MUC15: variants seen among roughly 807,000 people sequenced by gnomAD.
MUC15 encodes mucin 15, cell surface associated, also known as mucin-15.
Under a neutral mutation model 24.0 loss-of-function variants are expected in MUC15, and 23 were observed. The observed-to-expected ratio is 0.96, with a 90% CI of 0.69 to 1.36. MUC15 has a LOEUF of 1.36. MUC15 is among the 40% of genes most tolerant of loss of function. The pLI, the probability that MUC15 is intolerant of heterozygous loss-of-function variation, is 0.00. For missense variants in MUC15, 442 were observed against 428.2 expected (o/e 1.03, Z -0.29); for synonymous variants, 151 against 156.3 (o/e 0.97, Z 0.25).
chr11:26,571,998 A>G (rs1260057023), intron 1 of MUC15, 43 bp downstream of exon 1: 2 of 764,774 alleles, frequency 2.6e-6, no homozygotes, highest in East Asian at 2.6e-4. Flanking sequence ...TAGAGAGTGA[A>G]AGAGAGAAAG....
At position 26,565,584 on chromosome 11, in the gene MUC15, G is replaced by A; in HGVS notation, c.356C>T (p.Ser119Leu). The change falls in exon 3 of 5, where the codon TCA becomes TTA. Residue 119 changes from serine (S) to leucine (L), a missense_variant. By Grantham distance (145) the Ser-to-Leu change is moderately radical. Coordinates refer to ENST00000529533, the MANE Select transcript of MUC15 (RefSeq NM_001135091.2). ...TAGACTGCCCAAAGAATGCTCTGCT[G>A]ATGAGTTACTGGAGAAATCTGTTAT... ...HGITDFSSNS[S>L]AEHSLGSLKP... is the part of the protein sequence containing the mutation. 6.2e-7 allele frequency: 1 copy of A among 1,613,344 alleles called. No individual in the cohort carries two copies. Among genetic ancestry groups the A allele is most frequent in the Non-Finnish European group, 8.5e-7 (1 of 1,179,566 alleles).
chr11:26,560,498 G>C lies in MUC15; in HGVS notation c.*567C>G, dbSNP rs76731486. 6.6e-6 allele frequency: 1 copy of C among 152,330 alleles called. No homozygotes were observed. The highest frequency in any genetic ancestry group is 2.4e-5 in the African/African-American group (1 of 41,410). 9.4% of individuals were successfully genotyped at this position (152,330 alleles called of 1,614,324 possible). A position where few individuals can be genotyped will look rare whatever the true frequency, so the allele number is the denominator to read the frequency against. ...TCATAACTCAGTGGGCTGATCATGT[G>C]TGTGCTGATCTAGAAAATTATAACG... On this transcript the variant is annotated 3_prime_UTR_variant, in exon 5 of 5. Transcript: ENST00000529533.
intron 1 of MUC15, among the ~76,000 whole-genome samples, chr11:26,570,010 C>T (rs925314497): frequency 6.6e-6 from 1 of 152,024 alleles, no homozygotes; most frequent in African/African-American, 2.4e-5. Flanking sequence ...TTAGGATCAT[C>T]ACAAACTCGA....
In MUC15 at chr11:26,561,062, G is replaced by A. The variant is rs139638065; in HGVS notation, c.*3C>T. 1.7e-5 allele frequency: 27 copies of A among 1,607,012 alleles called. 1 individual carries two copies. The highest frequency in any genetic ancestry group is 3.3e-4 in the Middle Eastern group (2 of 6,064). ...GCTGTTTAACGCCTTTTTGCTGTTA[G>A]TTCTATACAGAAGTACGAAGTGGAG... On this transcript the variant is annotated 3_prime_UTR_variant, in exon 5 of 5. Transcript: ENST00000529533.
At chr11:26,563,348 A>C (rs1850372958) in intron 3 of MUC15, 83 bp from the exon 4 acceptor site, 1 of 1,350,898 alleles carries the variant, frequency 7.4e-7, no homozygotes, top group East Asian at 2.6e-5. Context: ...TCCATATAAC[A>C]AAGAATGTTT....
chr11:26,564,160 T>C (rs1172782110), intron 3 of MUC15, among the ~76,000 whole-genome samples: 1 of 151,776 alleles, frequency 6.6e-6, no homozygotes, highest in African/African-American at 2.4e-5. Flanking sequence ...AAGTACTCAG[T>C]ATTCTCAATA....
Position 26,567,155 on chromosome 11 carries a change from G to T in MUC15, c.-45-16C>A. 1 of 1,374,206 alleles carries T rather than the reference G, an allele frequency of 7.3e-7. No homozygotes were observed. The highest frequency in any genetic ancestry group is 9.5e-7 in the Non-Finnish European group (1 of 1,050,450). The allele number at this position is 1,374,206 out of a possible 1,614,324, so 85.1% of individuals were successfully genotyped here. A position where few individuals can be genotyped will look rare whatever the true frequency, so the allele number is the denominator to read the frequency against. ...GTAACAGAAGCTGGAAAATGGAAGA[G>T]GCAATATTTAAAGCCAAGTCAACTG... On this transcript the variant is annotated splice_polypyrimidine_tract_variant and intron_variant, in intron 1 of 4. Coordinates refer to ENST00000529533, the MANE Select transcript of MUC15 (RefSeq NM_001135091.2).
In MUC15 at chr11:26,560,322, G is replaced by A. The variant is rs1483518478; in HGVS notation, c.*743C>T. 7.9e-5 allele frequency: 12 copies of A among 151,912 alleles called. No individual in the cohort carries two copies. Among genetic ancestry groups the A allele is most frequent in the Admixed American group, 7.9e-4 (12 of 15,208 alleles). The allele number at this position is 151,912 out of a possible 1,614,324, so 9.4% of individuals were successfully genotyped here. ...TTTTTTTTACCATGATTCTCATTGA[G>A]TTTTTAAGGCACCCAAATAATTGAA... On this transcript the variant is annotated 3_prime_UTR_variant, in exon 5 of 5. Transcript: ENST00000529533.
rs1166462594 is a variant in MUC15, at chr11:26,564,684, CAT to C, written c.775+479_775+480del. ...TTTTAAAAACTCATATATATATACTCATATATATACACACACACACACACACA... is the reference window on the plus strand; with the variant it reads ...TTTTAAAAACTCATATATATATACTCATATATACACACACACACACACACA... On this transcript the variant is annotated intron_variant, in intron 3 of 4. Coordinates refer to ENST00000529533, the MANE Select transcript of MUC15 (RefSeq NM_001135091.2). 4.2e-4 allele frequency among the ~76,000 whole-genome samples: 33 copies of C among 79,012 alleles called. No individual in the cohort carries two copies. The South Asian group carries it at 5.1e-3, about 12-fold the overall frequency. 51.8% of individuals were successfully genotyped at this position (79,012 alleles called of 152,430 possible). A position where few individuals can be genotyped will look rare whatever the true frequency, so the allele number is the denominator to read the frequency against.
rs1850237075 is a variant in MUC15, at chr11:26,560,304, T to TA, written c.*760dup. The TA allele has an allele frequency of 6.6e-6, 1 of 152,166 alleles. No homozygotes were observed. Among genetic ancestry groups the TA allele is most frequent in the African/African-American group, 2.4e-5 (1 of 41,446 alleles). 9.4% of individuals were successfully genotyped at this position (152,166 alleles called of 1,614,324 possible). A position where few individuals can be genotyped will look rare whatever the true frequency, so the allele number is the denominator to read the frequency against. On this transcript the variant is annotated 3_prime_UTR_variant, in exon 5 of 5. Coordinates refer to ENST00000529533, the MANE Select transcript of MUC15 (RefSeq NM_001135091.2). ...TATTCTTTGGTTAACTTTTTTTTTTTACCATGATTCTCATTGAGTTTTTAA... is the reference window on the plus strand; with the variant it reads ...TATTCTTTGGTTAACTTTTTTTTTTTAACCATGATTCTCATTGAGTTTTTAA...
At chr11:26,561,263 A>T in intron 4 of MUC15, 38 bp from the exon 5 acceptor site, 1 of 1,479,814 alleles carries the variant, frequency 6.8e-7, no homozygotes, top group Non-Finnish European at 9.1e-7. Flanking sequence ...TCACAGTGAT[A>T]CTCTGAAAGA....
intron 1 of MUC15, among the ~76,000 whole-genome samples, chr11:26,567,602 C>T (rs1244202708): frequency 6.6e-6 from 1 of 151,950 alleles, no homozygotes; most frequent in Non-Finnish European, 1.5e-5. Flanking sequence ...TACTTCTCTT[C>T]AAAAGCTTTT....
At chr11:26,566,966 C>G in intron 2 of MUC15, 86 bp downstream of exon 2, 1 of 1,191,640 alleles carries the variant, frequency 8.4e-7, no homozygotes, top group Non-Finnish European at 1.1e-6. Context: ...TAGATGCTAA[C>G]CTCCATTTAA....
rs765095334 is a variant in MUC15 at position 26,561,117 on chromosome 11, G to T, written c.1034C>A (p.Ala345Glu). Residue 345 changes from alanine to glutamate, a missense_variant, in exon 5 of 5, where the codon GCA (alanine) becomes GAA (glutamate). Ala to Glu is a moderately radical substitution (Grantham distance 107, BLOSUM62 -1). Coordinates refer to ENST00000529533, the MANE Select transcript of MUC15 (RefSeq NM_001135091.2). ...GTCATCCATAGGAATGCCATCACGT[G>T]CATTTTCTTCACTTTCTGGCATGGC... Reference protein sequence around the residue: ...DSAMPESEENARDGIPMDDIP... With the variant: ...DSAMPESEENERDGIPMDDIP... 1.2e-6 allele frequency: 2 copies of T among 1,612,632 alleles called. No individual in the cohort carries two copies. The highest frequency in any genetic ancestry group is 2.2e-5 in the South Asian group (2 of 90,926).
At position 26,560,825 on chromosome 11, in the gene MUC15, A is replaced by C. The variant is rs1007536146; in HGVS notation, c.*240T>G. ...CACAAATATTTTCTACTAAGAAAAT[A>C]CTACTAAAATACAAATTAAGGCTAC... On this transcript the variant is annotated 3_prime_UTR_variant, in exon 5 of 5. Transcript: ENST00000529533. 2.2e-5 allele frequency: 8 copies of C among 368,482 alleles called. No individual in the cohort carries two copies. Among genetic ancestry groups the C allele is most frequent in the Non-Finnish European group, 3.4e-5 (7 of 207,274 alleles). 22.8% of individuals were successfully genotyped at this position (368,482 alleles called of 1,614,324 possible). A position where few individuals can be genotyped will look rare whatever the true frequency, so the allele number is the denominator to read the frequency against.
rs1850262348 is a variant in MUC15, at chr11:26,560,910, C to G, written c.*155G>C. 5.9e-6 allele frequency: 4 copies of G among 681,526 alleles called. No individual in the cohort carries two copies. In the South Asian group the frequency reaches 9.1e-5, roughly 16 times the overall value. The allele number at this position is 681,526 out of a possible 1,614,324, so 42.2% of individuals were successfully genotyped here. A position where few individuals can be genotyped will look rare whatever the true frequency, so the allele number is the denominator to read the frequency against. The stretch of plus-strand genomic sequence containing the variant: ...GAAAGAAAACCTTTGGATGATACAT[C>G]CTGTCTACATTTCTGCTACTGGTCT... On this transcript the variant is annotated 3_prime_UTR_variant, in exon 5 of 5. Coordinates refer to ENST00000529533, the MANE Select transcript of MUC15 (RefSeq NM_001135091.2).
intron 3 of MUC15, 31 bp downstream of exon 3, chr11:26,565,134 C>T (rs868072510): frequency 1.3e-6 from 2 of 1,487,214 alleles, no homozygotes; most frequent in African/African-American, 2.8e-5. Context: ...CAGTTTCACA[C>T]AAAAGGAAAG....
intron 1 of MUC15, 122 bp downstream of exon 1, chr11:26,571,919 G>C (rs1850842673): frequency 4.3e-6 from 1 of 234,312 alleles, no homozygotes. Context: ...GTAGCTACTT[G>C]CCAGGCTGTT....
chr11:26,567,672 C>T (rs1456193236), intron 1 of MUC15, among the ~76,000 whole-genome samples: 1 of 151,874 alleles, frequency 6.6e-6, no homozygotes. Flanking sequence ...TCTTCCATGC[C>T]CTATGGTTAT....
Sources: gnomAD v4.1 joint callset for allele counts (sites outside exome capture counted in the v4.1 genomes callset) on GRCh38, gnomAD v4.1.1 for gene constraint, MANE v1.5 for transcripts, NCBI Gene and HGNC (gene_info 2026-07-23, HGNC 2026-07-21) for gene names.